Variants in ZNF254 observed in about 807,000 individuals in gnomAD.
ZNF254 encodes the protein zinc finger protein 254, also known as CTD-2017D11.1.
ZNF254 carries 10 observed loss-of-function variants against 12.4 expected under a neutral mutation model. That is an observed-to-expected ratio of 0.80 (90% CI 0.50 to 1.36). The LOEUF (loss-of-function observed/expected upper bound fraction) is 1.36, where lower values mean the gene tolerates loss of function less well. Among genes scored for constraint, ZNF254 ranks in the 40% most tolerant of loss-of-function variants. ZNF254 has a pLI of 0.00. For missense variants in ZNF254, 996 were observed against 763.9 expected (o/e 1.30, Z -3.58); for synonymous variants, 305 against 253.4 (o/e 1.20, Z -1.93).
At chr19:24,034,023 G>C (rs1969863707) in intron 1 of ZNF254, among the ~76,000 whole-genome samples, 2 of 152,194 alleles carry the variant, frequency 1.3e-5, no homozygotes, top group African/African-American at 4.8e-5. Context: ...GGAGTGCAGT[G>C]GCACGATCAC....
At chr19:24,056,409 C>T (rs1970856628) in intron 2 of ZNF254, among the ~76,000 whole-genome samples, 2 of 152,280 alleles carry the variant, frequency 1.3e-5, no homozygotes, top group Admixed American at 6.5e-5. Context: ...TCCCTTGGCT[C>T]AGTACCAACA....
intron 1 of ZNF254, among the ~76,000 whole-genome samples, chr19:24,090,448 C>G (rs1356710296): frequency 6.6e-6 from 1 of 152,094 alleles, no homozygotes; most frequent in Non-Finnish European, 1.5e-5. Context: ...GGCTTGTTTT[C>G]GTTGTCTTGA....
intron 2 of ZNF254, among the ~76,000 whole-genome samples, chr19:24,059,932 C>T (rs1312548084): frequency 6.6e-6 from 1 of 152,074 alleles, no homozygotes; most frequent in Non-Finnish European, 1.5e-5. Context: ...TGGCATGTCT[C>T]TGGCCTCATT....
chr19:24,075,622 C>T (rs1971631801), intron 2 of ZNF254, among the ~76,000 whole-genome samples: 1 of 152,050 alleles, frequency 6.6e-6, no homozygotes, highest in Non-Finnish European at 1.5e-5. Context: ...GATCACAAGG[C>T]CAGGGTGAAA....
chr19:24,108,128 T>C (rs1278231800), intron 3 of ZNF254, among the ~76,000 whole-genome samples: 1 of 152,120 alleles, frequency 6.6e-6, no homozygotes, highest in Non-Finnish European at 1.5e-5. Context: ...GGTTTCTACA[T>C]AGGCAAAACC....
chr19:24,074,162 C>G (rs572425960), intron 2 of ZNF254, among the ~76,000 whole-genome samples: 1 of 152,336 alleles, frequency 6.6e-6, no homozygotes, highest in African/African-American at 2.4e-5. Flanking sequence ...ACTCTCTTTG[C>G]TGGGTTCTGC....
rs1445421716 is a variant in ZNF254 at position 24,062,097 on chromosome 19, A to AAAAAAAG, written c.-94+15823_-94+15824insAGAAAAA. ...TGAAACTCTGTCTCACAAAAAAAAAAAAAAAGAAAAAGAAAAAGGAGTAAA... is the reference window on the plus strand; with the variant it reads ...TGAAACTCTGTCTCACAAAAAAAAAAAAAAAAGAAAAAGAAAAAGAAAAAGGAGTAAA... On this transcript the variant is annotated intron_variant, in intron 2 of 4. Coordinates refer to the ZNF254 transcript ENST00000613065. Among the ~76,000 whole-genome samples, 485 of 134,800 alleles carry AAAAAAAG rather than the reference A, an allele frequency of 3.6e-3. 3 individuals are homozygous for AAAAAAAG. The highest frequency in any genetic ancestry group is 0.014 in the African/African-American group (446 of 31,910). 88.4% of individuals were successfully genotyped at this position (134,800 alleles called of 152,430 possible).
chr19:24,096,218 C>T (rs1972663453), intron 1 of ZNF254, among the ~76,000 whole-genome samples: 1 of 151,984 alleles, frequency 6.6e-6, no homozygotes, highest in African/African-American at 2.4e-5. Flanking sequence ...GCCACCATGC[C>T]TGCCTAATTT....
upstream of ZNF254, among the ~76,000 whole-genome samples, chr19:24,086,454 C>T (rs918654328): frequency 1.1e-4 from 17 of 151,166 alleles, no homozygotes; most frequent in Admixed American, 2.6e-4. Context: ...TATAGGCGTG[C>T]GCCACCATGC....
chr19:24,127,386 C>G lies in ZNF254; in HGVS notation c.1386C>G (p.Tyr462Ter), dbSNP rs771502710. 1.9e-6 allele frequency: 3 copies of G among 1,612,160 alleles called. No individual in the cohort carries two copies. The African/African-American group carries it at 4.0e-5, about 22-fold the overall frequency. Reference sequence around the variant, plus strand: ...GAATTCATACTAGAGAGAAACCCTACAAATGTGAAGAATGTGGCAAGGCAT... The same window carrying G: ...GAATTCATACTAGAGAGAAACCCTAGAAATGTGAAGAATGTGGCAAGGCAT... The part of the protein sequence containing the change: ...HKRIHTREKP[Y>*]KCEECGKAFI... The change falls in exon 4 of 4, where the codon TAC (tyrosine) becomes TAG (stop). Residue 462 changes from tyrosine to a stop codon, truncating the protein, a stop_gained. Coordinates refer to ENST00000357002, the MANE Select transcript of ZNF254 (RefSeq NM_203282.4). LOFTEE classifies it low-confidence loss of function (END_TRUNC).
rs767358306 is a variant in ZNF254 at position 24,127,192 on chromosome 19, A to C, written c.1192A>C (p.Ile398Leu). Reference sequence around the variant, plus strand: ...ACTCTCAACTCTTACTACACATAAAATAATTCATGTTGGAGAGAAACTCTA... The same window carrying C: ...ACTCTCAACTCTTACTACACATAAACTAATTCATGTTGGAGAGAAACTCTA... ...KQLSTLTTHK[I>L]IHVGEKLYKC... is the part of the protein sequence containing the mutation. Residue 398 changes from isoleucine to leucine, a missense_variant, in exon 4 of 4, where the codon ATA becomes CTA. By Grantham distance (5) the Ile-to-Leu change is conservative (BLOSUM62 2). Coordinates refer to ENST00000357002, the MANE Select transcript of ZNF254 (RefSeq NM_203282.4). 2 of 1,613,476 alleles carry C rather than the reference A, an allele frequency of 1.2e-6. No individual in the cohort carries two copies. The highest frequency in any genetic ancestry group is 3.3e-5 in the Admixed American group (2 of 59,878).
intron 1 of ZNF254, among the ~76,000 whole-genome samples, chr19:24,090,450 T>C (rs1428188647): frequency 6.6e-6 from 1 of 152,198 alleles, no homozygotes; most frequent in East Asian, 1.9e-4. Context: ...CTTGTTTTCG[T>C]TGTCTTGAGA....
intron 1 of ZNF254, among the ~76,000 whole-genome samples, chr19:24,041,994 C>A (rs1336472483): frequency 2.9e-5 from 4 of 139,218 alleles, no homozygotes; most frequent in Non-Finnish European, 6.5e-5. Flanking sequence ...TGTGAGTGCA[C>A]CAGTCGACAC....
chr19:24,055,344 A>T (rs1970810476), intron 2 of ZNF254, among the ~76,000 whole-genome samples: 1 of 150,592 alleles, frequency 6.6e-6, no homozygotes, highest in Non-Finnish European at 1.5e-5. Context: ...CAGTGGCGCG[A>T]TCTCAGCTTA....
chr19:24,107,138 A>C, intron 3 of ZNF254: 2 of 547,188 alleles, frequency 3.7e-6, no homozygotes, highest in Non-Finnish European at 6.4e-6. Flanking sequence ...ACAAAGTAGG[A>C]TGTCCTTCTG....
chr19:24,127,087 T>A lies in ZNF254; in HGVS notation c.1087T>A (p.Ser363Thr). 1 of 1,613,442 alleles carries A rather than the reference T, an allele frequency of 6.2e-7. No individual in the cohort carries two copies. The highest frequency in any genetic ancestry group is 8.5e-7 in the Non-Finnish European group (1 of 1,179,772). Residue 363 changes from serine (S) to threonine (T), a missense_variant, in exon 4 of 4, where the codon TCA (serine) becomes ACA (threonine). Transcript: ENST00000357002. ...ATGTGGCAAAGCTTTTAGCCAGTCCTCAACCCTTACTACACATAAGATAAT... is the reference window on the plus strand; with the variant it reads ...ATGTGGCAAAGCTTTTAGCCAGTCCACAACCCTTACTACACATAAGATAAT... ...EECGKAFSQS[S>T]TLTTHKIIHT...
chr19:24,055,205 CAAAAAAAAAAA>C (rs71167733), intron 2 of ZNF254, among the ~76,000 whole-genome samples: 1 of 28,314 alleles, frequency 3.5e-5, no homozygotes, highest in African/African-American at 1.8e-4. Flanking sequence ...TCTGTCTCAC[CAAAAAAAAAAA>C]AAAAAAAAAA....
At chr19:24,084,174 T>A (rs1971945592), upstream of ZNF254, among the ~76,000 whole-genome samples, 1 of 147,636 alleles carries the variant, frequency 6.8e-6, no homozygotes, top group African/African-American at 2.5e-5. Context: ...ATAAATAATA[T>A]ATAATATATT....
intron 3 of ZNF254, 190 bp downstream of exon 3, chr19:24,106,833 A>G: frequency 2.3e-6 from 1 of 441,908 alleles, no homozygotes. Flanking sequence ...TAAGAATTCT[A>G]CTTTCCCTTC....
Sources: allele counts gnomAD v4.1 joint callset (sites outside exome capture counted in the v4.1 genomes callset), GRCh38; gene constraint gnomAD v4.1.1; transcripts MANE v1.5; gene names NCBI Gene and HGNC (gene_info 2026-07-23, HGNC 2026-07-21).